CACNA2D3: variants seen among roughly 807,000 people sequenced by gnomAD.
The protein encoded by CACNA2D3 is calcium voltage-gated channel auxiliary subunit alpha2delta 3.
A neutral mutation model predicts 160.6 loss-of-function variants in CACNA2D3; 60 were observed. That is an observed-to-expected ratio of 0.37 (90% CI 0.30 to 0.46). The LOEUF (loss-of-function observed/expected upper bound fraction) is 0.46, where lower values mean the gene tolerates loss of function less well. Among genes scored for constraint, CACNA2D3 ranks in the 20% least tolerant of loss-of-function variants. The probability of loss-of-function intolerance (pLI) is 1.00; values close to 1 mark genes in which losing one functional copy is unlikely to be tolerated. For missense variants in CACNA2D3, 1,205 were observed against 1,365.0 expected (o/e 0.88, Z 1.85); for synonymous variants, 558 against 492.9 (o/e 1.13, Z -1.75).
intron 31 of CACNA2D3, among the ~76,000 whole-genome samples, chr3:54,992,763 A>G (rs1224809794): frequency 2.8e-5 from 4 of 143,536 alleles, no homozygotes; most frequent in African/African-American, 1.0e-4. Flanking sequence ...TGCTATAAAG[A>G]AATACCTGAA....
intron 2 of CACNA2D3, among the ~76,000 whole-genome samples, chr3:54,164,973 G>C (rs187319288): frequency 6.0e-4 from 92 of 152,348 alleles, no homozygotes; most frequent in Non-Finnish European, 1.1e-3. Flanking sequence ...TCAGTAAGCA[G>C]TTTCTGCCAC....
intron 2 of CACNA2D3, among the ~76,000 whole-genome samples, chr3:54,258,099 G>A (rs544413436): frequency 5.3e-5 from 8 of 152,306 alleles, no homozygotes; most frequent in African/African-American, 1.7e-4. Flanking sequence ...TAACCTTCAC[G>A]GCCTCAGGGG....
At chr3:54,145,962 T>C (rs892752031) in intron 2 of CACNA2D3, among the ~76,000 whole-genome samples, 1 of 152,254 alleles carries the variant, frequency 6.6e-6, no homozygotes, top group East Asian at 1.9e-4. Context: ...TCACCTACTT[T>C]CTCTTCAGGT....
At chr3:54,691,046 G>T (rs1312795856) in intron 11 of CACNA2D3, among the ~76,000 whole-genome samples, 1 of 152,144 alleles carries the variant, frequency 6.6e-6, no homozygotes, top group African/African-American at 2.4e-5. Context: ...GCGTGTGTCT[G>T]TGTGTGTTTG....
rs183295470 is a variant in CACNA2D3, at chr3:54,474,211, T to G, written c.382-29281T>G. Among the ~76,000 whole-genome samples the G allele has an allele frequency of 6.5e-3, 995 of 152,322 alleles. 10 individuals carry two copies. The highest frequency in any genetic ancestry group is 0.023 in the African/African-American group (952 of 41,578). ...AGCACATATACACCATGGAATACTA[T>G]GCAGCCATTAAAAAGGATGAGTTCA... On this transcript the variant is annotated intron_variant, in intron 4 of 37. Coordinates refer to ENST00000474759, the MANE Select transcript of CACNA2D3 (RefSeq NM_018398.3).
At chr3:54,886,054 C>T (rs143673281) in intron 23 of CACNA2D3, among the ~76,000 whole-genome samples, 3,014 of 152,228 alleles carry the variant, frequency 0.02, 150 homozygotes, top group Admixed American at 0.12. Context: ...TACCAAGCAT[C>T]CCCTTCTAGG....
intron 14 of CACNA2D3, among the ~76,000 whole-genome samples, chr3:54,817,606 G>C (rs934040157): frequency 2.0e-5 from 3 of 152,160 alleles, no homozygotes; most frequent in Non-Finnish European, 4.4e-5. Flanking sequence ...CAATTTCTGG[G>C]GGCCAGATGT....
At chr3:54,357,477 C>T (rs1159124673) in intron 3 of CACNA2D3, among the ~76,000 whole-genome samples, 2 of 152,188 alleles carry the variant, frequency 1.3e-5, no homozygotes, top group African/African-American at 4.8e-5. Flanking sequence ...GGCAGGAATG[C>T]AAAACGGTAA....
chr3:54,293,694 A>G (rs1703264429), intron 2 of CACNA2D3, among the ~76,000 whole-genome samples: 1 of 152,206 alleles, frequency 6.6e-6, no homozygotes, highest in African/African-American at 2.4e-5. Flanking sequence ...GAAAGAAGCT[A>G]GAATCAAAGG....
Position 54,475,824 on chromosome 3 carries a change from T to TGTGTGTGTGTGTGTGTGTGTGTGC in CACNA2D3, c.382-27655_382-27654insTGTGTGTGTGCGTGTGTGTGTGTG, listed in dbSNP as rs1437317592. Among the ~76,000 whole-genome samples the TGTGTGTGTGTGTGTGTGTGTGTGC allele has an allele frequency of 2.0e-5, 3 of 151,554 alleles. No individual in the cohort carries two copies. The East Asian group carries it at 5.8e-4, about 29-fold the overall frequency. ...TGGTTACCATTTGTGTGTGTGTGTG[T>TGTGTGTGTGTGTGTGTGTGTGTGC]GTGTGTGTGTGTGACAGAGAGAGAG... On this transcript the variant is annotated intron_variant, in intron 4 of 37. Transcript: ENST00000474759.
intron 27 of CACNA2D3, among the ~76,000 whole-genome samples, chr3:54,949,081 C>T (rs1701689674): frequency 6.6e-6 from 1 of 152,154 alleles, no homozygotes; most frequent in Non-Finnish European, 1.5e-5. Flanking sequence ...TCATCCAGTG[C>T]CCCCAGTATT....
chr3:54,730,920 G>A (rs142934946), intron 11 of CACNA2D3, among the ~76,000 whole-genome samples: 1 of 152,194 alleles, frequency 6.6e-6, no homozygotes, highest in African/African-American at 2.4e-5. Flanking sequence ...TTAAACACAT[G>A]TTTTGGGTTG....
chr3:54,322,434 A>C (rs1704024555), intron 3 of CACNA2D3, among the ~76,000 whole-genome samples: 1 of 152,234 alleles, frequency 6.6e-6, no homozygotes, highest in Non-Finnish European at 1.5e-5. Flanking sequence ...ATGCAATCTC[A>C]TTCTTGTATC....
intron 20 of CACNA2D3, among the ~76,000 whole-genome samples, 180 bp downstream of exon 20, chr3:54,879,591 G>C (rs1223196498): frequency 6.6e-6 from 1 of 152,096 alleles, no homozygotes; most frequent in Non-Finnish European, 1.5e-5. Flanking sequence ...GGGGGGAGAT[G>C]GTTCAGGCTC....
In CACNA2D3 at chr3:54,734,605, A is replaced by G. The variant is rs146389954; in HGVS notation, c.1168-17994A>G. ...ACCCCATCACTACCCTGGTTGTTTC[A>G]TTTGGGGATGCTCGAAGCATCTTTG... is the stretch of plus-strand genomic sequence containing the variant. On this transcript the variant is annotated intron_variant, in intron 11 of 37. Transcript: ENST00000474759. 8.2e-3 allele frequency among the ~76,000 whole-genome samples: 1,243 copies of G among 152,292 alleles called. 11 individuals are homozygous for G. Among genetic ancestry groups the G allele is most frequent in the Non-Finnish European group, 0.01 (700 of 68,022 alleles).
chr3:54,367,802 C>T (rs1007710521), intron 3 of CACNA2D3, among the ~76,000 whole-genome samples: 1 of 152,138 alleles, frequency 6.6e-6, no homozygotes, highest in South Asian at 2.1e-4. Context: ...CCCCTTTGGA[C>T]TTTTTAACAC....
rs57761171 is a variant in CACNA2D3 at position 54,171,136 on chromosome 3, CTTTTTT to C, written c.204+47559_204+47564del. Among the ~76,000 whole-genome samples the C allele has an allele frequency of 1.3e-3, 82 of 62,542 alleles. 1 individual carries two copies. The highest frequency in any genetic ancestry group is 1.9e-3 in the Non-Finnish European group (63 of 33,970). 41.0% of individuals were successfully genotyped at this position (62,542 alleles called of 152,430 possible). A position where few individuals can be genotyped will look rare whatever the true frequency, so the allele number is the denominator to read the frequency against. On this transcript the variant is annotated intron_variant, in intron 2 of 37. Transcript: ENST00000474759. Reference sequence around the variant, plus strand: ...TCTGTTTACATTTTAAAGATGATGACTTTTTTTTTTTTTTTTTTTTTTAGGAATAGC... The same window carrying C: ...TCTGTTTACATTTTAAAGATGATGACTTTTTTTTTTTTTTTTAGGAATAGC...
At chr3:54,306,241 A>G (rs983943481) in intron 2 of CACNA2D3, among the ~76,000 whole-genome samples, 2 of 152,168 alleles carry the variant, frequency 1.3e-5, no homozygotes, top group African/African-American at 4.8e-5. Context: ...GAAGATGTGG[A>G]TGAATTGATC....
At chr3:54,596,900 C>T (rs1283849963) in intron 9 of CACNA2D3, among the ~76,000 whole-genome samples, 2 of 152,162 alleles carry the variant, frequency 1.3e-5, no homozygotes, top group Admixed American at 1.3e-4. Context: ...TCCCACCTAA[C>T]AAGGGGCTCA....
Sources: gnomAD v4.1 joint callset for allele counts (sites outside exome capture counted in the v4.1 genomes callset) on GRCh38, gnomAD v4.1.1 for gene constraint, MANE v1.5 for transcripts, NCBI Gene and HGNC (gene_info 2026-07-23, HGNC 2026-07-21) for gene names.